SBF2: variants seen among roughly 807,000 people sequenced by gnomAD.
The protein encoded by SBF2 is SET binding factor 2, also known as myotubularin-related protein 13.
A neutral mutation model predicts 225.2 loss-of-function variants in SBF2; 112 were observed. The ratio of observed to expected loss-of-function variants is 0.50; its 90% CI spans 0.43 to 0.58. The LOEUF (loss-of-function observed/expected upper bound fraction) is 0.58. Among genes scored for constraint, SBF2 ranks in the 20% least tolerant of loss-of-function variants. The pLI is 0.00. For missense variants in SBF2, 1,996 were observed against 2,206.2 expected (o/e 0.90, Z 1.91); for synonymous variants, 763 against 773.3 (o/e 0.99, Z 0.22).
At chr11:10,152,442 G>T (rs1033427665) in intron 2 of SBF2, among the ~76,000 whole-genome samples, 1 of 151,952 alleles carries the variant, frequency 6.6e-6, no homozygotes, top group Non-Finnish European at 1.5e-5. Context: ...CCAGCTGGTC[G>T]GGAGGCTGAG....
rs575655576 is a variant in SBF2 at position 10,019,762 on chromosome 11, G to T, written c.619+8690C>A. Among the ~76,000 whole-genome samples, 7 of 151,994 alleles carry T rather than the reference G, an allele frequency of 4.6e-5. No individual in the cohort carries two copies. In the East Asian group the frequency reaches 1.4e-3, roughly 29 times the overall value. On this transcript the variant is annotated intron_variant, in intron 6 of 39. Coordinates refer to ENST00000256190, the MANE Select transcript of SBF2 (RefSeq NM_030962.4). Reference sequence around the variant, plus strand: ...GCTGAGAAAACTAAGACAGAAACATGATCTGAGGCCCTAGATGCTGATCAT... The same window carrying T: ...GCTGAGAAAACTAAGACAGAAACATTATCTGAGGCCCTAGATGCTGATCAT...
chr11:10,137,527 G>A (rs888734659), intron 2 of SBF2, among the ~76,000 whole-genome samples: 4 of 152,024 alleles, frequency 2.6e-5, no homozygotes, highest in African/African-American at 7.3e-5. Flanking sequence ...TGTTACCTTC[G>A]GCTTTCTGTA....
At chr11:10,187,215 G>A (rs1242610778) in intron 2 of SBF2, among the ~76,000 whole-genome samples, 1 of 151,930 alleles carries the variant, frequency 6.6e-6, no homozygotes, top group East Asian at 1.9e-4. Context: ...AAGACCCTGA[G>A]GACTGTAACC....
rs747884942 is a variant in SBF2 at position 10,002,598 on chromosome 11, A to T, written c.711T>A (p.Ala237=). ...HSASFQRLSD[A]CRALESLMFP... ...ACATTAAAGATTCCAGGGCTCTACA[A>T]GCATCACTAAGTCTCTGGAAACTTG... Residue 237 remains alanine, a synonymous_variant, in exon 7 of 40, where the codon GCT becomes GCA. Coordinates refer to ENST00000256190, the MANE Select transcript of SBF2 (RefSeq NM_030962.4). 6.2e-7 allele frequency: 1 copy of T among 1,612,974 alleles called. No individual in the cohort carries two copies. Among genetic ancestry groups the T allele is most frequent in the Admixed American group, 1.7e-5 (1 of 60,026 alleles).
At chr11:10,001,622 T>G (rs1377662958) in intron 7 of SBF2, among the ~76,000 whole-genome samples, 4 of 152,058 alleles carry the variant, frequency 2.6e-5, no homozygotes, top group African/African-American at 9.7e-5. Context: ...CCTCCAGGGT[T>G]CACACCATTC....
chr11:9,867,394 T>C (rs987748665), intron 17 of SBF2, among the ~76,000 whole-genome samples: 6 of 152,114 alleles, frequency 3.9e-5, no homozygotes, highest in African/African-American at 1.2e-4. Context: ...AAGTAACAGA[T>C]GCCGGTAAGG....
chr11:9,970,062 C>T (rs1381866830), intron 13 of SBF2, among the ~76,000 whole-genome samples: 1 of 152,166 alleles, frequency 6.6e-6, no homozygotes, highest in Non-Finnish European at 1.5e-5. Context: ...GGAATCCATT[C>T]TTTCATAAAG....
chr11:9,851,149 A>AAG (rs1856916639), intron 21 of SBF2, among the ~76,000 whole-genome samples: 1 of 120,686 alleles, frequency 8.3e-6, no homozygotes, highest in Non-Finnish European at 2.0e-5. Context: ...AAAAAAAAAA[A>AAG]CAACAACAAA....
chr11:9,895,549 G>A (rs1564968830), intron 17 of SBF2, among the ~76,000 whole-genome samples: 1 of 152,146 alleles, frequency 6.6e-6, no homozygotes, highest in Non-Finnish European at 1.5e-5. Context: ...TGGCTTCAAT[G>A]TCATTCATTC....
At chr11:9,954,486 T>C (rs1299067054) in intron 16 of SBF2, among the ~76,000 whole-genome samples, 2 of 152,236 alleles carry the variant, frequency 1.3e-5, no homozygotes, top group African/African-American at 2.4e-5. Context: ...AGTAAGAACA[T>C]CACATGTAAG....
chr11:10,034,100 C>T (rs1949355070), intron 3 of SBF2, among the ~76,000 whole-genome samples: 2 of 152,148 alleles, frequency 1.3e-5, no homozygotes, highest in African/African-American at 4.8e-5. Context: ...TTATTCCTTG[C>T]TTTTAGTAGG....
intron 19 of SBF2, 57 bp from the exon 20 acceptor site, chr11:9,853,769 T>A: frequency 6.8e-7 from 1 of 1,478,226 alleles, no homozygotes; most frequent in Non-Finnish European, 9.5e-7. Flanking sequence ...AAATGACTAC[T>A]ATATAGTAGT....
At chr11:9,787,194 G>A (rs1357183826) in intron 36 of SBF2, among the ~76,000 whole-genome samples, 1 of 152,090 alleles carries the variant, frequency 6.6e-6, no homozygotes, top group Non-Finnish European at 1.5e-5. Flanking sequence ...GCACCCGGCC[G>A]TTAAAATATT....
intron 6 of SBF2, among the ~76,000 whole-genome samples, chr11:10,007,837 C>T (rs1274269321): frequency 6.6e-6 from 1 of 152,208 alleles, no homozygotes; most frequent in Non-Finnish European, 1.5e-5. Flanking sequence ...AGTGGACCCA[C>T]TAGAAACCAG....
chr11:10,199,829 A>AT (rs58655059), intron 1 of SBF2, among the ~76,000 whole-genome samples: 22,837 of 152,160 alleles, frequency 0.15, 1,875 homozygotes, highest in East Asian at 0.31. Context: ...ACCCTTGTGC[A>AT]TGTTGATGGC....
At chr11:10,245,892 A>G (rs1959737747) in intron 1 of SBF2, among the ~76,000 whole-genome samples, 1 of 152,250 alleles carries the variant, frequency 6.6e-6, no homozygotes, top group Non-Finnish European at 1.5e-5. Context: ...AGTCAGACCC[A>G]GAAGGACAAA....
intron 5 of SBF2, 112 bp downstream of exon 5, chr11:10,029,653 A>C: frequency 1.2e-6 from 1 of 868,688 alleles, no homozygotes. Flanking sequence ...GATCTTCCTT[A>C]AAACAAAAAT....
At chr11:10,232,843 T>C (rs753910351) in intron 1 of SBF2, among the ~76,000 whole-genome samples, 28 of 152,360 alleles carry the variant, frequency 1.8e-4, no homozygotes, top group Non-Finnish European at 2.4e-4. Context: ...CCAAACTAAA[T>C]TCTGTTACTT....
intron 32 of SBF2, among the ~76,000 whole-genome samples, chr11:9,797,555 G>A (rs1477085326): frequency 1.3e-5 from 2 of 152,208 alleles, no homozygotes; most frequent in Non-Finnish European, 2.9e-5. Context: ...TAGCTAGGTA[G>A]CGTGCCATAC....
Sources: gnomAD v4.1 joint callset for allele counts (sites outside exome capture counted in the v4.1 genomes callset) on GRCh38, gnomAD v4.1.1 for gene constraint, MANE v1.5 for transcripts, NCBI Gene and HGNC (gene_info 2026-07-23, HGNC 2026-07-21) for gene names.